Variants in RSBN1 observed in about 807,000 individuals in gnomAD.
RSBN1 encodes the protein lysine-specific demethylase 9.
Under a neutral mutation model 74.8 loss-of-function variants are expected in RSBN1, and 23 were observed. The observed-to-expected ratio is 0.31, with a 90% confidence interval of 0.22 to 0.44. The LOEUF (loss-of-function observed/expected upper bound fraction) is 0.44, where lower values mean the gene tolerates loss of function less well. RSBN1 is among the 20% of genes least tolerant of loss of function. The probability of loss-of-function intolerance (pLI) is 1.00; values close to 1 mark genes in which losing one functional copy is unlikely to be tolerated. For missense variants in RSBN1, 808 were observed against 1,020.9 expected (o/e 0.79, Z 2.84); for synonymous variants, 407 against 379.6 (o/e 1.07, Z -0.84).
chr1:113,812,042 G>T lies in RSBN1; in HGVS notation c.371C>A (p.Pro124Gln). The T allele has an allele frequency of 1.3e-6, 2 of 1,532,512 alleles. No homozygotes were observed. Among genetic ancestry groups the T allele is most frequent in the Non-Finnish European group, 1.8e-6 (2 of 1,141,452 alleles). The allele number at this position is 1,532,512 out of a possible 1,614,324, so 94.9% of individuals were successfully genotyped here. Residue 124 changes from proline to glutamine, a missense_variant, in exon 1 of 7, where the codon CCG (proline) becomes CAG (glutamine). Transcript: ENST00000261441. ...TGGGGCTGCATTCGTTGGCGGCAGCGGCCCAGGATGTTGGCGGCTGCGACG... is the reference window on the plus strand; with the variant it reads ...TGGGGCTGCATTCGTTGGCGGCAGCTGCCCAGGATGTTGGCGGCTGCGACG... ...RRRRSRQHPGPLPPTNAAPTV... is the reference protein window; with the variant it reads ...RRRRSRQHPGQLPPTNAAPTV...
intron 2 of RSBN1, among the ~76,000 whole-genome samples, chr1:113,783,049 AC>A (rs1660167321): frequency 6.6e-6 from 1 of 152,210 alleles, no homozygotes; most frequent in African/African-American, 2.4e-5. Flanking sequence ...GGCAGAAAAT[AC>A]TATCTGGTCC....
At chr1:113,798,129 T>C in intron 1 of RSBN1, 93 bp from the exon 2 acceptor site, 1 of 1,095,090 alleles carries the variant, frequency 9.1e-7, no homozygotes, top group South Asian at 1.7e-5. Context: ...TAGCCTATCC[T>C]CAATTTCTCT....
intron 5 of RSBN1, chr1:113,768,004 G>GAGTT: frequency 2.5e-6 from 1 of 403,842 alleles, no homozygotes; most frequent in Non-Finnish European, 4.4e-6. Flanking sequence ...AGTGAGTATA[G>GAGTT]AGTTACAGCC....
Position 113,763,953 on chromosome 1 carries a change from A to C in RSBN1, c.*2027T>G, listed in dbSNP as rs562612424. ...GACAAGAAAAAATTAAAAAAAAAAA[A>C]TTTTTGCTTTAACAGCCTTCTCTTC... On this transcript the variant is annotated 3_prime_UTR_variant, in exon 7 of 7. Coordinates refer to ENST00000261441, the MANE Select transcript of RSBN1 (RefSeq NM_018364.5). 1 of 152,222 alleles carries C rather than the reference A, an allele frequency of 6.6e-6. No homozygotes were observed. The highest frequency in any genetic ancestry group is 1.9e-4 in the East Asian group (1 of 5,262). 9.4% of individuals were successfully genotyped at this position (152,222 alleles called of 1,614,324 possible). A position where few individuals can be genotyped will look rare whatever the true frequency, so the allele number is the denominator to read the frequency against.
chr1:113,778,846 A>C (rs914019820), intron 2 of RSBN1, among the ~76,000 whole-genome samples: 1 of 152,214 alleles, frequency 6.6e-6, no homozygotes, highest in African/African-American at 2.4e-5. Flanking sequence ...CTCTCCAGTG[A>C]ATTTAGGACA....
intron 1 of RSBN1, among the ~76,000 whole-genome samples, chr1:113,802,730 T>C (rs906316366): frequency 2.0e-5 from 3 of 151,924 alleles, no homozygotes; most frequent in African/African-American, 7.3e-5. Flanking sequence ...CAGTTTCAGG[T>C]TCCTAGAACT....
intron 1 of RSBN1, among the ~76,000 whole-genome samples, chr1:113,799,133 T>TTTTTATA (rs1429250208): frequency 6.6e-6 from 1 of 152,220 alleles, no homozygotes; most frequent in Non-Finnish European, 1.5e-5. Flanking sequence ...TATATAAACA[T>TTTTTATA]TAATTCATCC....
rs141450686 is a variant in RSBN1 at position 113,812,245 on chromosome 1, C to T, written c.168G>A (p.Val56=). Residue 56 remains valine (V), a synonymous_variant, in exon 1 of 7, where the codon GTG becomes GTA. Transcript: ENST00000261441. ...GCGCCGCCACCGCCCGTACTACGCG[C>T]ACCGCTCCGACCTGCGCAGCCATTT... ...VGEMAAQVGA[V]RVVRAVAAQE... is the part of the protein sequence containing the mutation. 3.9e-5 allele frequency: 62 copies of T among 1,606,234 alleles called. No individual in the cohort carries two copies. The highest frequency in any genetic ancestry group is 1.3e-4 in the Admixed American group (8 of 60,008).
At chr1:113,797,145 G>GTA (rs1465077349) in intron 2 of RSBN1, among the ~76,000 whole-genome samples, 1 of 152,130 alleles carries the variant, frequency 6.6e-6, no homozygotes, top group African/African-American at 2.4e-5. Flanking sequence ...TTGTAATGAT[G>GTA]TATAACATGT....
At chr1:113,774,363 C>CT (rs986557470) in intron 4 of RSBN1, among the ~76,000 whole-genome samples, 36 of 151,822 alleles carry the variant, frequency 2.4e-4, no homozygotes, top group African/African-American at 8.2e-4. Context: ...AGGGCCAACT[C>CT]TTTTTTAATT....
chr1:113,808,471 T>C (rs1031935110), intron 1 of RSBN1, among the ~76,000 whole-genome samples: 2 of 152,210 alleles, frequency 1.3e-5, no homozygotes, highest in Admixed American at 1.3e-4. Flanking sequence ...AGAGGGCTAA[T>C]TGTATTTACC....
At chr1:113,771,741 A>T (rs1472710886) in intron 4 of RSBN1, among the ~76,000 whole-genome samples, 2 of 151,602 alleles carry the variant, frequency 1.3e-5, no homozygotes, top group Admixed American at 1.3e-4. Flanking sequence ...GCAATAAATA[A>T]AAAGATGGGA....
At chr1:113,794,511 C>T (rs557899221) in intron 2 of RSBN1, among the ~76,000 whole-genome samples, 24 of 152,270 alleles carry the variant, frequency 1.6e-4, no homozygotes, top group African/African-American at 5.8e-4. Context: ...TCAGTGCATA[C>T]TCTTGCCATG....
chr1:113,779,983 G>A (rs966919542), intron 2 of RSBN1, among the ~76,000 whole-genome samples: 1 of 151,654 alleles, frequency 6.6e-6, no homozygotes, highest in Non-Finnish European at 1.5e-5. Flanking sequence ...TCGTGCCACT[G>A]CACTCCAGCC....
chr1:113,772,863 T>C (rs1659909448), intron 4 of RSBN1, among the ~76,000 whole-genome samples: 1 of 152,184 alleles, frequency 6.6e-6, no homozygotes, highest in Non-Finnish European at 1.5e-5. Context: ...TCTTCCTCTA[T>C]ACTGAAGCCA....
intron 1 of RSBN1, among the ~76,000 whole-genome samples, chr1:113,798,345 T>G (rs1220176789): frequency 2.0e-5 from 3 of 152,206 alleles, no homozygotes; most frequent in African/African-American, 7.2e-5. Context: ...AGCAATGGTA[T>G]GAAACATTAT....
At chr1:113,796,865 C>T (rs1370151100) in intron 2 of RSBN1, among the ~76,000 whole-genome samples, 3 of 152,308 alleles carry the variant, frequency 2.0e-5, no homozygotes, top group African/African-American at 4.8e-5. Context: ...GGAGCAGAGG[C>T]TATGGCGGTC....
At chr1:113,774,148 T>G (rs1214914740) in intron 4 of RSBN1, among the ~76,000 whole-genome samples, 1 of 152,216 alleles carries the variant, frequency 6.6e-6, no homozygotes, top group Non-Finnish European at 1.5e-5. Context: ...TTTAGCTGAT[T>G]TGCTGATTTC....
intron 2 of RSBN1, among the ~76,000 whole-genome samples, chr1:113,794,408 T>C (rs1660430311): frequency 1.3e-5 from 2 of 152,180 alleles, no homozygotes; most frequent in Non-Finnish European, 2.9e-5. Context: ...TAGGAAAAAG[T>C]ACTAACTTTT....
Sources: allele counts gnomAD v4.1 joint callset (sites outside exome capture counted in the v4.1 genomes callset), GRCh38; gene constraint gnomAD v4.1.1; transcripts MANE v1.5; gene names NCBI Gene and HGNC (gene_info 2026-07-23, HGNC 2026-07-21).